RORB: variants seen among roughly 807,000 people sequenced by gnomAD.
RORB encodes the protein nuclear receptor ROR-beta.
A neutral mutation model predicts 59.1 loss-of-function variants in RORB; 6 were observed. That is an observed-to-expected ratio of 0.10 (90% confidence interval 0.06 to 0.20). RORB has a LOEUF of 0.20. Among genes scored for constraint, RORB ranks in the 10% least tolerant of loss-of-function variants. The pLI, the probability that RORB is intolerant of heterozygous loss-of-function variation, is 1.00. For missense variants in RORB, 320 were observed against 560.5 expected (o/e 0.57, Z 4.33); for synonymous variants, 215 against 204.5 (o/e 1.05, Z -0.44).
intron 9 of RORB, among the ~76,000 whole-genome samples, chr9:74,679,053 A>T (rs1386233621): frequency 6.8e-6 from 1 of 147,964 alleles, no homozygotes; most frequent in Non-Finnish European, 1.5e-5. Context: ...ACAAAAACAA[A>T]CAAACAAAAA....
intron 4 of RORB, among the ~76,000 whole-genome samples, chr9:74,653,428 C>T (rs1378460254): frequency 2.0e-5 from 3 of 149,998 alleles, no homozygotes; most frequent in Non-Finnish European, 3.0e-5. Context: ...GGCTGAGATA[C>T]GGTATTTTTA....
chr9:74,585,560 A>T (rs1038658566), intron 1 of RORB, among the ~76,000 whole-genome samples: 1 of 152,132 alleles, frequency 6.6e-6, no homozygotes, highest in Non-Finnish European at 1.5e-5. Flanking sequence ...TCTGTGTTAG[A>T]CAGAAGGCAG....
intron 1 of RORB, among the ~76,000 whole-genome samples, chr9:74,586,600 C>CGTGTGTGTGTGTGTGT (rs1313500289): frequency 9.3e-4 from 131 of 141,278 alleles, no homozygotes; most frequent in Admixed American, 1.8e-3. Context: ...ATGTAATGTC[C>CGTGTGTGTGTGTGTGT]GTGTGTGTGT....
intron 1 of RORB, among the ~76,000 whole-genome samples, chr9:74,560,402 G>A (rs979302855): frequency 2.6e-5 from 4 of 152,174 alleles, no homozygotes; most frequent in Non-Finnish European, 4.4e-5. Flanking sequence ...TCCACATAAA[G>A]TGTATTAAAG....
At chr9:74,523,624 CGTT>C (rs1219700463) in intron 1 of RORB, among the ~76,000 whole-genome samples, 2 of 151,884 alleles carry the variant, frequency 1.3e-5, no homozygotes, top group Admixed American at 6.6e-5. Flanking sequence ...AAAATAAACT[CGTT>C]GGCCTGATTG....
At position 74,668,857 on chromosome 9, in the gene RORB, C is replaced by T. The variant is rs1033436469; in HGVS notation, c.1111+956C>T. 3.3e-5 allele frequency among the ~76,000 whole-genome samples: 5 copies of T among 152,094 alleles called. No homozygotes were observed. In the East Asian group the frequency reaches 9.6e-4, roughly 29 times the overall value. ...GTTCAAACCTATGTTGTAGAAGGGT[C>T]ACCTGTATCAGGAGTTTTTAAAAGG... On this transcript the variant is annotated intron_variant, in intron 8 of 9. Transcript: ENST00000376896.
chr9:74,585,942 G>C (rs920674611), intron 1 of RORB, among the ~76,000 whole-genome samples: 23 of 151,716 alleles, frequency 1.5e-4, no homozygotes, highest in South Asian at 4.2e-4. Context: ...CTACAGGCGC[G>C]TGCCACCATG....
chr9:74,553,005 AAG>A (rs892232004), intron 1 of RORB, among the ~76,000 whole-genome samples: 21 of 152,246 alleles, frequency 1.4e-4, no homozygotes, highest in African/African-American at 4.6e-4. Flanking sequence ...AAGTATCAGA[AAG>A]AAGGTCACTG....
chr9:74,523,305 A>AT (rs1014481726), intron 1 of RORB, among the ~76,000 whole-genome samples: 14 of 150,680 alleles, frequency 9.3e-5, no homozygotes, highest in African/African-American at 2.9e-4. Context: ...TAGTCTTCTA[A>AT]TTTTTTTTCC....
chr9:74,647,668 T>C (rs1487247950), intron 4 of RORB, among the ~76,000 whole-genome samples: 1 of 152,214 alleles, frequency 6.6e-6, no homozygotes, highest in Non-Finnish European at 1.5e-5. Context: ...ATAAATCTCT[T>C]TTTTAAAAAT....
At chr9:74,629,551 CT>C (rs1823580867) in intron 1 of RORB, among the ~76,000 whole-genome samples, 1 of 152,004 alleles carries the variant, frequency 6.6e-6, no homozygotes, top group Non-Finnish European at 1.5e-5. Context: ...TAATTAAATC[CT>C]GCACGATCTT....
intron 9 of RORB, among the ~76,000 whole-genome samples, chr9:74,672,541 G>A (rs777340207): frequency 2.0e-5 from 3 of 152,062 alleles, no homozygotes; most frequent in Non-Finnish European, 4.4e-5. Flanking sequence ...TTTCCCTGGA[G>A]CAAAATCCAT....
chr9:74,548,788 A>T (rs1212456693), intron 1 of RORB, among the ~76,000 whole-genome samples: 2 of 152,220 alleles, frequency 1.3e-5, no homozygotes, highest in African/African-American at 4.8e-5. Flanking sequence ...TATTTTCTAT[A>T]CATAATACCG....
chr9:74,604,291 G>T (rs1426338959), intron 1 of RORB, among the ~76,000 whole-genome samples: 1 of 152,102 alleles, frequency 6.6e-6, no homozygotes. Flanking sequence ...CCTTGGCAAG[G>T]CCATTTAATC....
chr9:74,686,503 A>G lies in RORB; in HGVS notation c.*885A>G, dbSNP rs975138207. 8 of 152,180 alleles carry G rather than the reference A, an allele frequency of 5.3e-5. No homozygotes were observed. The highest frequency in any genetic ancestry group is 1.9e-4 in the African/African-American group (8 of 41,436). 9.4% of individuals were successfully genotyped at this position (152,180 alleles called of 1,614,324 possible). ...CAAGACTTTTTTGACCAAACAGTAG[A>G]TATTTTCTATTTTTCACCAGAACAC... On this transcript the variant is annotated 3_prime_UTR_variant, in exon 10 of 10. Transcript: ENST00000376896.
chr9:74,528,105 C>T (rs1276575311), intron 1 of RORB, among the ~76,000 whole-genome samples: 2 of 151,930 alleles, frequency 1.3e-5, no homozygotes, highest in African/African-American at 4.8e-5. Flanking sequence ...TTTCCCTAAA[C>T]CTCAGTGGCA....
chr9:74,618,087 CA>C (rs1320351060), intron 1 of RORB, among the ~76,000 whole-genome samples: 1 of 151,958 alleles, frequency 6.6e-6, no homozygotes, highest in Non-Finnish European at 1.5e-5. Flanking sequence ...CATCTATGTT[CA>C]AAAAAATCAA....
rs1293030872 is a variant in RORB, at chr9:74,629,696, C to T, written c.8-586C>T. 2.0e-5 allele frequency among the ~76,000 whole-genome samples: 3 copies of T among 152,152 alleles called. No homozygotes were observed. In the East Asian group the frequency reaches 5.8e-4, roughly 29 times the overall value. ...TTAATTAGATTATTAGCATCATTAG[C>T]ATATGTTATCCTCCATCAATATCCT... On this transcript the variant is annotated intron_variant, in intron 1 of 9. Transcript: ENST00000376896.
chr9:74,513,613 C>A (rs1271002806), intron 1 of RORB, among the ~76,000 whole-genome samples: 1 of 151,614 alleles, frequency 6.6e-6, no homozygotes, highest in African/African-American at 2.4e-5. Context: ...GTGGTATAAC[C>A]TAGTAACTAA....
Sources: allele counts gnomAD v4.1 joint callset (sites outside exome capture counted in the v4.1 genomes callset), GRCh38; gene constraint gnomAD v4.1.1; transcripts MANE v1.5; gene names NCBI Gene and HGNC (gene_info 2026-07-23, HGNC 2026-07-21).